Variants in RAD17 observed in about 807,000 individuals in gnomAD.
RAD17 encodes the protein RAD17 checkpoint clamp loader component.
RAD17 carries 31 observed loss-of-function variants against 81.5 expected under a neutral mutation model. The observed-to-expected ratio is 0.38, with a 90% CI of 0.29 to 0.51. RAD17 has a LOEUF of 0.51. RAD17 is among the 20% of genes least tolerant of loss of function. The pLI, the probability that RAD17 is intolerant of heterozygous loss-of-function variation, is 0.88. For synonymous variants in RAD17, 261 were observed against 266.2 expected, an observed-to-expected ratio of 0.98 and a Z score of 0.19; for missense variants, 681 against 781.2, an observed-to-expected ratio of 0.87 and a Z score of 1.53.
intron 18 of RAD17, among the ~76,000 whole-genome samples, chr5:69,412,173 G>A (rs932372604): frequency 3.2e-4 from 48 of 151,924 alleles, no homozygotes; most frequent in South Asian, 8.3e-4. Flanking sequence ...AGCCAGGATG[G>A]TCTTGATCTC....
intron 6 of RAD17, among the ~76,000 whole-genome samples, chr5:69,381,374 G>A (rs558004215): frequency 1.3e-5 from 2 of 151,946 alleles, no homozygotes; most frequent in African/African-American, 4.8e-5. Flanking sequence ...CCAGCTACTC[G>A]GGTGGCTGAG....
At position 69,373,685 on chromosome 5, in the gene RAD17, AATTT is replaced by A. The variant is rs1200415098; in HGVS notation, c.10-144_10-141del. The A allele has an allele frequency of 3.3e-4, 127 of 379,982 alleles. 4 individuals are homozygous for A. The highest frequency in any genetic ancestry group is 1.3e-3 in the Middle Eastern group (2 of 1,484). 23.5% of individuals were successfully genotyped at this position (379,982 alleles called of 1,614,324 possible). ...ACAGAGTGAGACCCGGTCTCAAAAA[AATTT>A]TTTTTTTTTTTTTTTTTTTTTTTTT... On this transcript the variant is annotated intron_variant, in intron 4 of 18. Coordinates refer to ENST00000354868, the MANE Select transcript of RAD17 (RefSeq NM_133338.3).
chr5:69,380,092 G>T lies in RAD17; in HGVS notation c.352-1809G>T, dbSNP rs570151397. ...GATGGGGTTTCTCCATGTTGGCCAG[G>T]CTGGTCTTGAACTCCTGACCTCAGA... On this transcript the variant is annotated intron_variant, in intron 6 of 18. Coordinates refer to ENST00000354868, the MANE Select transcript of RAD17 (RefSeq NM_133338.3). Among the ~76,000 whole-genome samples, 9 of 152,138 alleles carry T rather than the reference G, an allele frequency of 5.9e-5. No homozygotes were observed. The South Asian group carries it at 1.2e-3, about 21-fold the overall frequency.
intron 6 of RAD17, among the ~76,000 whole-genome samples, chr5:69,379,502 A>G (rs895354558): frequency 6.6e-6 from 1 of 152,172 alleles, no homozygotes; most frequent in African/African-American, 2.4e-5. Flanking sequence ...TGTAAAGGCC[A>G]TGTGAAGGAC....
At chr5:69,405,735 A>G (rs1348695776) in intron 17 of RAD17, among the ~76,000 whole-genome samples, 1 of 151,654 alleles carries the variant, frequency 6.6e-6, no homozygotes, top group Admixed American at 6.6e-5. Flanking sequence ...ACTACTGGAC[A>G]TATATCCAAA....
intron 18 of RAD17, among the ~76,000 whole-genome samples, chr5:69,412,333 C>T (rs1363873502): frequency 2.0e-5 from 3 of 152,038 alleles, no homozygotes; most frequent in African/African-American, 4.8e-5. Flanking sequence ...TATTTAAAAC[C>T]ATTGTTCATA....
intron 16 of RAD17, among the ~76,000 whole-genome samples, chr5:69,397,694 T>C (rs781282808): frequency 4.6e-5 from 7 of 152,218 alleles, no homozygotes; most frequent in African/African-American, 7.2e-5. Flanking sequence ...AAATTTCAGT[T>C]AGGCAGGAGG....
intron 12 of RAD17, among the ~76,000 whole-genome samples, chr5:69,390,583 G>T (rs937031880): frequency 6.6e-6 from 1 of 152,150 alleles, no homozygotes; most frequent in African/African-American, 2.4e-5. Flanking sequence ...GAACCAGGCT[G>T]CCTGGATTCC....
chr5:69,410,965 C>CCATATATATATATATATATATA (rs1554044687), intron 18 of RAD17, among the ~76,000 whole-genome samples: 2 of 90,260 alleles, frequency 2.2e-5, no homozygotes, highest in Non-Finnish European at 4.0e-5. Context: ...AGATGTCTGT[C>CCATATATATATATATATATATA]TATATATATA....
Position 69,392,014 on chromosome 5 carries a change from G to A in RAD17, c.1189+1G>A. On this transcript the variant is annotated splice_donor_variant, in intron 13 of 18. Transcript: ENST00000354868. LOFTEE classifies it high-confidence loss of function. ...TTGGGGAAAATTCTATATTGTAAAAGTAAGAAATTTTTACACTTTTAAAAT... is the reference window on the plus strand; with the variant it reads ...TTGGGGAAAATTCTATATTGTAAAAATAAGAAATTTTTACACTTTTAAAAT... The A allele has an allele frequency of 1.3e-6, 2 of 1,522,608 alleles. No individual in the cohort carries two copies. The highest frequency in any genetic ancestry group is 1.8e-6 in the Non-Finnish European group (2 of 1,140,020). The allele number at this position is 1,522,608 out of a possible 1,614,324, so 94.3% of individuals were successfully genotyped here. A position where few individuals can be genotyped will look rare whatever the true frequency, so the allele number is the denominator to read the frequency against.
chr5:69,386,502 A>G (rs371964986), intron 11 of RAD17, 37 bp downstream of exon 11: 86 of 1,518,794 alleles, frequency 5.7e-5, no homozygotes, highest in Non-Finnish European at 6.3e-5. Context: ...CTCGATAACT[A>G]TAGAAAGCCT....
chr5:69,396,548 TA>T lies in RAD17; in HGVS notation c.1572+19del, dbSNP rs377737971. On this transcript the variant is annotated splice_donor_region_variant and intron_variant, in intron 16 of 18. Coordinates refer to ENST00000354868, the MANE Select transcript of RAD17 (RefSeq NM_133338.3). ...CAGTGGTTTCTAATAAATAAAAAGG[TA>T]AAAAAAAAAAAAAAAATTCTGTACT... 10,217 of 1,325,484 alleles carry T rather than the reference TA, an allele frequency of 7.7e-3. No homozygotes were observed. The highest frequency in any genetic ancestry group is 0.021 in the South Asian group (1,262 of 59,150). The allele number at this position is 1,325,484 out of a possible 1,614,324, so 82.1% of individuals were successfully genotyped here.
chr5:69,374,722 A>G lies in RAD17; in HGVS notation c.351+11A>G. ...AGGCAACCAAAACAGGTAACTAAGA[A>G]ATGTGTTTTTAAATATTTAACATCA... On this transcript the variant is annotated intron_variant, in intron 6 of 18. Coordinates refer to ENST00000354868, the MANE Select transcript of RAD17 (RefSeq NM_133338.3). 2 of 1,582,796 alleles carry G rather than the reference A, an allele frequency of 1.3e-6. No homozygotes were observed.
chr5:69,390,952 C>A (rs1428101452), intron 12 of RAD17, among the ~76,000 whole-genome samples: 41 of 142,896 alleles, frequency 2.9e-4, no homozygotes, highest in African/African-American at 4.0e-4. Context: ...GACCCTGTGT[C>A]AAAAAAAAAA....
intron 15 of RAD17, among the ~76,000 whole-genome samples, chr5:69,395,287 GA>G (rs1764812784): frequency 1.3e-5 from 2 of 152,198 alleles, no homozygotes; most frequent in African/African-American, 4.8e-5. Flanking sequence ...AAGGCAGGAA[GA>G]TCACTTGAGG....
intron 15 of RAD17, among the ~76,000 whole-genome samples, chr5:69,396,098 A>G (rs1032985728): frequency 1.3e-4 from 20 of 152,162 alleles, no homozygotes; most frequent in African/African-American, 4.8e-4. Context: ...CTTCACACTA[A>G]TCTAGCAATA....
intron 6 of RAD17, among the ~76,000 whole-genome samples, chr5:69,380,681 A>G (rs1215395749): frequency 6.6e-6 from 1 of 151,998 alleles, no homozygotes; most frequent in Admixed American, 6.6e-5. Flanking sequence ...TTTTTAATCA[A>G]ATTTACGGTA....
At chr5:69,410,413 A>G in intron 17 of RAD17, 80 bp from the exon 18 acceptor site, 1 of 1,071,542 alleles carries the variant, frequency 9.3e-7, no homozygotes, top group South Asian at 1.3e-5. Context: ...AGTGATGTTC[A>G]GCATCTTTTC....
intron 18 of RAD17, among the ~76,000 whole-genome samples, chr5:69,410,965 C>CTACATATATATA: frequency 1.1e-5 from 1 of 90,264 alleles, no homozygotes; most frequent in East Asian, 3.5e-4. Flanking sequence ...AGATGTCTGT[C>CTACATATATATA]TATATATATA....
Sources: gnomAD v4.1 joint callset for allele counts (sites outside exome capture counted in the v4.1 genomes callset) on GRCh38, gnomAD v4.1.1 for gene constraint, MANE v1.5 for transcripts, NCBI Gene and HGNC (gene_info 2026-07-23, HGNC 2026-07-21) for gene names.